SMYD3: variants seen among roughly 807,000 people sequenced by gnomAD.
SMYD3 encodes the protein histone-lysine N-methyltransferase SMYD3.
A neutral mutation model predicts 57.7 loss-of-function variants in SMYD3; 36 were observed. The ratio of observed to expected loss-of-function variants is 0.62; its 90% CI spans 0.48 to 0.82. SMYD3 has a LOEUF of 0.82. Ranked by LOEUF, SMYD3 falls within the 40% of genes least tolerant of loss-of-function variation. The pLI, the probability that SMYD3 is intolerant of heterozygous loss-of-function variation, is 0.00. For synonymous variants in SMYD3, 211 were observed against 195.0 expected (o/e 1.08, Z -0.68); for missense variants, 515 against 538.8 (o/e 0.96, Z 0.44).
intron 5 of SMYD3, among the ~76,000 whole-genome samples, chr1:246,060,582 A>ATTTTTTTTTTTTTTTTTTTT (rs1558191811): frequency 1.3e-5 from 2 of 152,176 alleles, no homozygotes; most frequent in African/African-American, 4.8e-5. Context: ...CATTTTAATA[A>ATTTTTTTTTTTTTTTTTTTT]ATTTTTATGA....
intron 8 of SMYD3, among the ~76,000 whole-genome samples, chr1:245,882,564 A>G (rs1031320583): frequency 6.6e-5 from 10 of 152,210 alleles, no homozygotes; most frequent in African/African-American, 2.4e-4. Flanking sequence ...AGAAACTAGC[A>G]ATGAAGTCTC....
intron 8 of SMYD3, among the ~76,000 whole-genome samples, chr1:245,896,403 A>AAAAAAAAAAAAAAAAAC (rs35287216): frequency 2.6e-5 from 4 of 151,496 alleles, no homozygotes. Context: ...AAAAAAAAAA[A>AAAAAAAAAAAAAAAAAC]AAACAGGCAA....
rs2148366879 is a variant in SMYD3, at chr1:246,202,288, CATAA to C, written c.531+124909_531+124912del. On this transcript the variant is annotated intron_variant, in intron 5 of 11. Transcript: ENST00000490107. The surrounding 1 kb of genome is among the most constrained non-coding windows in gnomAD (Gnocchi z 4.1). ...CACTGCCTTAAAAATCCATTTTTCTCATAAATAAATTTGAACACATTTGATCCTT... is the reference window on the plus strand; with the variant it reads ...CACTGCCTTAAAAATCCATTTTTCTCATAAATTTGAACACATTTGATCCTT... Among the ~76,000 whole-genome samples the C allele has an allele frequency of 6.6e-6, 1 of 152,246 alleles. No homozygotes were observed. Among genetic ancestry groups the C allele is most frequent in the Non-Finnish European group, 1.5e-5 (1 of 68,016 alleles).
chr1:245,910,749 T>A (rs10802295), intron 8 of SMYD3, among the ~76,000 whole-genome samples: 1 of 151,968 alleles, frequency 6.6e-6, no homozygotes, highest in Admixed American at 6.6e-5. Flanking sequence ...AAAAGTCATA[T>A]CAAAACAGCT....
chr1:245,810,673 C>T (rs968705134), intron 10 of SMYD3, among the ~76,000 whole-genome samples: 1 of 152,180 alleles, frequency 6.6e-6, no homozygotes, highest in African/African-American at 2.4e-5. Flanking sequence ...AAAGGGAAAG[C>T]CTCTTAGAGC....
intron 8 of SMYD3, among the ~76,000 whole-genome samples, chr1:245,870,804 G>C (rs1292883768): frequency 1.4e-5 from 2 of 145,828 alleles, no homozygotes; most frequent in Non-Finnish European, 3.0e-5. Context: ...GTATAAACTT[G>C]AGAAAGTGAC....
chr1:246,374,573 AAT>A (rs4040217), intron 1 of SMYD3, among the ~76,000 whole-genome samples: 149,920 of 152,244 alleles, frequency 0.98, 73,825 homozygotes, highest in East Asian at 1. Flanking sequence ...AGAAAGTTGT[AAT>A]ATATGCCTCA....
At chr1:245,820,497 G>T (rs1488082902) in intron 10 of SMYD3, among the ~76,000 whole-genome samples, 2 of 148,670 alleles carry the variant, frequency 1.3e-5, no homozygotes, top group Admixed American at 1.3e-4. Flanking sequence ...AGACAGGGAT[G>T]CCCTCTCTCA....
intron 10 of SMYD3, 29 bp from the exon 11 acceptor site, chr1:245,764,178 C>A (rs767655839): frequency 1.4e-6 from 2 of 1,470,202 alleles, no homozygotes; most frequent in East Asian, 4.5e-5. Flanking sequence ...CAAACAGTGT[C>A]AGCAGCCCTC....
In SMYD3 at chr1:246,163,898, A is replaced by C. The variant is rs112765251; in HGVS notation, c.531+163303T>G. On this transcript the variant is annotated intron_variant, in intron 5 of 11. Transcript: ENST00000490107. ...TGTTAGAACCTTCCGCAGAGAAATA[A>C]TGACAGAGGAAAGTCAGAATCTCCA... 1.6e-3 allele frequency among the ~76,000 whole-genome samples: 244 copies of C among 152,316 alleles called. 1 individual carries two copies. The highest frequency in any genetic ancestry group is 5.4e-3 in the African/African-American group (226 of 41,574).
intron 11 of SMYD3, among the ~76,000 whole-genome samples, chr1:245,753,989 C>T (rs1486444016): frequency 6.6e-6 from 1 of 152,072 alleles, no homozygotes; most frequent in African/African-American, 2.4e-5. Flanking sequence ...AGAGCCTGCA[C>T]ATAATCTTTC....
chr1:246,030,561 T>C (rs1056950313), intron 5 of SMYD3, among the ~76,000 whole-genome samples: 3 of 152,154 alleles, frequency 2.0e-5, no homozygotes, highest in Non-Finnish European at 4.4e-5. Flanking sequence ...GAGTATTTTT[T>C]AATGTTCACA....
intron 10 of SMYD3, among the ~76,000 whole-genome samples, chr1:245,851,805 G>T (rs988533265): frequency 1.3e-5 from 2 of 152,224 alleles, no homozygotes; most frequent in Admixed American, 1.3e-4. Flanking sequence ...GAGTGAAACA[G>T]AAGATGGGGT....
chr1:245,808,221 T>A (rs2048287538), intron 10 of SMYD3, among the ~76,000 whole-genome samples: 1 of 152,206 alleles, frequency 6.6e-6, no homozygotes, highest in African/African-American at 2.4e-5. Context: ...GTTTCTTTTT[T>A]AAAATCAGAT....
chr1:245,933,115 A>T (rs1297137942), intron 5 of SMYD3, among the ~76,000 whole-genome samples: 1 of 152,174 alleles, frequency 6.6e-6, no homozygotes, highest in Non-Finnish European at 1.5e-5. Context: ...ATTTGAAAGG[A>T]ATTGCTCTTT....
At chr1:246,225,345 A>C (rs6666189) in intron 5 of SMYD3, among the ~76,000 whole-genome samples, 30,869 of 141,308 alleles carry the variant, frequency 0.22, 4,907 homozygotes, top group East Asian at 0.59. Context: ...AAAAAAAAAA[A>C]AAAAAAAAAA....
intron 5 of SMYD3, among the ~76,000 whole-genome samples, chr1:246,074,652 G>T (rs1300648635): frequency 6.6e-6 from 1 of 152,184 alleles, no homozygotes; most frequent in Non-Finnish European, 1.5e-5. Flanking sequence ...GCCAGCTGGG[G>T]CAACTGCAAG....
intron 5 of SMYD3, among the ~76,000 whole-genome samples, chr1:245,952,382 AAAAG>A (rs2057685860): frequency 6.6e-6 from 1 of 152,212 alleles, no homozygotes; most frequent in Non-Finnish European, 1.5e-5. Context: ...ACCAGGAGGA[AAAAG>A]AAATATGAGA....
intron 10 of SMYD3, among the ~76,000 whole-genome samples, chr1:245,838,744 G>A (rs1436467941): frequency 2.0e-5 from 3 of 152,134 alleles, no homozygotes; most frequent in South Asian, 4.2e-4. Flanking sequence ...TAAGAGGTAC[G>A]TATATAAATG....
Sources: allele counts gnomAD v4.1 joint callset (sites outside exome capture counted in the v4.1 genomes callset), GRCh38; gene constraint gnomAD v4.1.1; non-coding constraint Gnocchi (gnomAD v3.1); transcripts MANE v1.5; gene names NCBI Gene and HGNC (gene_info 2026-07-23, HGNC 2026-07-21).